The following ANGPT4 variants were observed in gnomAD, a reference collection of about 807,000 sequenced individuals.
The protein encoded by ANGPT4 is angiopoietin-4.
Under a neutral mutation model 53.0 loss-of-function variants are expected in ANGPT4, and 50 were observed. The ratio of observed to expected loss-of-function variants is 0.94; its 90% confidence interval spans 0.75 to 1.20. ANGPT4 has a LOEUF of 1.20. ANGPT4 is among the 50% of genes most tolerant of loss of function. The probability of loss-of-function intolerance (pLI) is 0.00; values close to 1 mark genes in which losing one functional copy is unlikely to be tolerated. For missense variants in ANGPT4, 648 were observed against 637.1 expected, an observed-to-expected ratio of 1.02 and a Z score of -0.18; for synonymous variants, 251 against 259.7, an observed-to-expected ratio of 0.97 and a Z score of 0.32.
At chr20:913,181 C>T (rs994303307) in intron 1 of ANGPT4, among the ~76,000 whole-genome samples, 1 of 152,140 alleles carries the variant, frequency 6.6e-6, no homozygotes, top group African/African-American at 2.4e-5. Flanking sequence ...TATTTTAAAA[C>T]TCTTTTTTTA....
intron 1 of ANGPT4, among the ~76,000 whole-genome samples, chr20:903,327 A>G (rs929865039): frequency 1.3e-5 from 2 of 152,082 alleles, no homozygotes; most frequent in African/African-American, 4.8e-5. Flanking sequence ...TGTCTCTCTC[A>G]CATCCTGCAT....
chr20:902,110 G>A (rs1031484845), intron 1 of ANGPT4, among the ~76,000 whole-genome samples: 1 of 152,142 alleles, frequency 6.6e-6, no homozygotes, highest in Non-Finnish European at 1.5e-5. Context: ...ACTATTAACA[G>A]TAGCGATTTG....
intron 7 of ANGPT4, among the ~76,000 whole-genome samples, 178 bp from the exon 8 acceptor site, chr20:874,592 C>A (rs1172756301): frequency 6.6e-6 from 1 of 152,204 alleles, no homozygotes; most frequent in Admixed American, 6.5e-5. Context: ...GGATTGCCTT[C>A]CCTGCCTGCT....
intron 1 of ANGPT4, among the ~76,000 whole-genome samples, chr20:913,693 G>T (rs1982800683): frequency 6.6e-6 from 1 of 152,230 alleles, no homozygotes; most frequent in African/African-American, 2.4e-5. Context: ...GAGACTTGGG[G>T]TAGGAGGCCC....
intron 1 of ANGPT4, among the ~76,000 whole-genome samples, chr20:897,643 C>A (rs1490699265): frequency 6.6e-6 from 1 of 152,168 alleles, no homozygotes; most frequent in East Asian, 1.9e-4. Flanking sequence ...CACCCACATT[C>A]CCTTGGTGGC....
In ANGPT4 at chr20:871,911, T is replaced by C. The variant is rs7262872; in HGVS notation, c.*1049A>G. 0.13 allele frequency: 19,092 copies of C among 152,190 alleles called. 1,611 individuals carry two copies. The highest frequency in any genetic ancestry group is 0.24 in the African/African-American group (10,000 of 41,452). 9.4% of individuals were successfully genotyped at this position (152,190 alleles called of 1,614,324 possible). Reference sequence around the variant, plus strand: ...GTTGTTTTTAGAGGTTGTTTGAGGCTGTCACTGTGGCCCTTGTAGCCAAAA... The same window carrying C: ...GTTGTTTTTAGAGGTTGTTTGAGGCCGTCACTGTGGCCCTTGTAGCCAAAA... On this transcript the variant is annotated 3_prime_UTR_variant, in exon 9 of 9. Transcript: ENST00000381922.
Position 916,259 on chromosome 20 carries a change from G to A in ANGPT4, c.-45C>T. The A allele has an allele frequency of 6.4e-7, 1 of 1,572,784 alleles. No individual in the cohort carries two copies. Among genetic ancestry groups the A allele is most frequent in the Non-Finnish European group, 8.7e-7 (1 of 1,155,288 alleles). ...GAGGGATGTCTGCTCAGAGCCCTAG[G>A]GGCTGTGCCTGGGATGTCCTGCTGC... On this transcript the variant is annotated 5_prime_UTR_variant, in exon 1 of 9. Coordinates refer to ENST00000381922, the MANE Select transcript of ANGPT4 (RefSeq NM_015985.4).
rs113100998 is a variant in ANGPT4 at position 894,902 on chromosome 20, G to GCA, written c.310-4536_310-4535dup. ...CCCTCAAGTGACTGGAGCTCCCCAA[G>GCA]CACCTCACTGGTCCCCCACTTGTCC... On this transcript the variant is annotated intron_variant, in intron 1 of 8. Transcript: ENST00000381922. 2.1e-3 allele frequency among the ~76,000 whole-genome samples: 327 copies of GCA among 152,280 alleles called. 5 individuals are homozygous for GCA. The highest frequency in any genetic ancestry group is 7.4e-3 in the African/African-American group (308 of 41,552).
chr20:894,824 T>C (rs1981981955), intron 1 of ANGPT4, among the ~76,000 whole-genome samples: 1 of 152,150 alleles, frequency 6.6e-6, no homozygotes, highest in South Asian at 2.1e-4. Context: ...GCTCTAAGAC[T>C]CCTTGCCTGA....
chr20:872,831 G>T lies in ANGPT4; in HGVS notation c.*129C>A. The T allele has an allele frequency of 8.2e-7, 1 of 1,216,104 alleles. No individual in the cohort carries two copies. The highest frequency in any genetic ancestry group is 1.2e-6 in the Non-Finnish European group (1 of 860,612). 75.3% of individuals were successfully genotyped at this position (1,216,104 alleles called of 1,614,324 possible). A position where few individuals can be genotyped will look rare whatever the true frequency, so the allele number is the denominator to read the frequency against. ...CCCTTCTGGACTTCTGGGTCAAGGA[G>T]GGCTGGCTCAGGAAGCCCAGGGTGT... On this transcript the variant is annotated 3_prime_UTR_variant, in exon 9 of 9. Transcript: ENST00000381922.
At chr20:894,439 G>C (rs1327570912) in intron 1 of ANGPT4, among the ~76,000 whole-genome samples, 2 of 152,078 alleles carry the variant, frequency 1.3e-5, no homozygotes, top group African/African-American at 4.8e-5. Context: ...CTCGGGAGGG[G>C]TGCCTTCGAT....
Position 870,804 on chromosome 20 carries a change from C to A in ANGPT4, c.*2156G>T, listed in dbSNP as rs147817411. On this transcript the variant is annotated 3_prime_UTR_variant, in exon 9 of 9. Coordinates refer to ENST00000381922, the MANE Select transcript of ANGPT4 (RefSeq NM_015985.4). ...GGCGGCATGTGCTGGGGAATGCCTT[C>A]CTCACCCCATTCTCCTCTTTGAGGA... 6.6e-6 allele frequency: 1 copy of A among 152,358 alleles called. No individual in the cohort carries two copies. The highest frequency in any genetic ancestry group is 2.4e-5 in the African/African-American group (1 of 41,584). The allele number at this position is 152,358 out of a possible 1,614,324, so 9.4% of individuals were successfully genotyped here. A position where few individuals can be genotyped will look rare whatever the true frequency, so the allele number is the denominator to read the frequency against.
intron 6 of ANGPT4, 94 bp from the exon 7 acceptor site, chr20:878,421 T>TA: frequency 7.9e-7 from 1 of 1,271,720 alleles, no homozygotes; most frequent in Non-Finnish European, 1.1e-6. Flanking sequence ...CAGGGCTACT[T>TA]ATACAAAACC....
At position 915,963 on chromosome 20, in the gene ANGPT4, GGTGGGCAACTTCCCCAGGTGCA is replaced by G; in HGVS notation, c.230_251del (p.Leu77ProfsTer4). ...CCTGCTCCAGCTGTTTCACCTGCTG[GGTGGGCAACTTCCCCAGGTGCA>G]GTGGGTTGGCCAGTGATTCTCTCTG... On this transcript the variant is annotated frameshift_variant, in exon 1 of 9. Transcript: ENST00000381922. LOFTEE classifies it high-confidence loss of function. 2.5e-6 allele frequency: 4 copies of G among 1,609,538 alleles called. No individual in the cohort carries two copies. In the South Asian group the frequency reaches 4.4e-5, roughly 18 times the overall value.
At chr20:900,366 C>A (rs1043851503) in intron 1 of ANGPT4, among the ~76,000 whole-genome samples, 2 of 152,194 alleles carry the variant, frequency 1.3e-5, no homozygotes, top group African/African-American at 4.8e-5. Context: ...GGCTGCCACC[C>A]TAGCTGGATC....
At position 910,055 on chromosome 20, in the gene ANGPT4, T is replaced by A. The variant is rs74528287; in HGVS notation, c.309+5851A>T. On this transcript the variant is annotated intron_variant, in intron 1 of 8. Coordinates refer to ENST00000381922, the MANE Select transcript of ANGPT4 (RefSeq NM_015985.4). ...GTCCCAGCTAATGCCCAGGGACCCA[T>A]CCACCATGGACATGGCTTATTTATT... Among the ~76,000 whole-genome samples the A allele has an allele frequency of 3.9e-3, 599 of 152,266 alleles. 26 individuals are homozygous for A. In the East Asian group the frequency reaches 0.1, roughly 26 times the overall value.
chr20:912,094 G>A (rs1024638164), intron 1 of ANGPT4, among the ~76,000 whole-genome samples: 1 of 152,146 alleles, frequency 6.6e-6, no homozygotes, highest in Admixed American at 6.5e-5. Flanking sequence ...GCTGGGGCTT[G>A]TGTCTGGCCC....
intron 8 of ANGPT4, 46 bp downstream of exon 8, chr20:874,238 G>A (rs772603773): frequency 6.2e-7 from 1 of 1,609,200 alleles, no homozygotes; most frequent in Non-Finnish European, 8.5e-7. Flanking sequence ...GTGTCAATCT[G>A]GGTGAGCCTG....
At chr20:902,133 G>C (rs530000196) in intron 1 of ANGPT4, among the ~76,000 whole-genome samples, 1 of 152,018 alleles carries the variant, frequency 6.6e-6, no homozygotes, top group Non-Finnish European at 1.5e-5. Context: ...TCAGGGGAGG[G>C]GGTTTCAATA....
Sources: gnomAD v4.1 joint callset for allele counts (sites outside exome capture counted in the v4.1 genomes callset) on GRCh38, gnomAD v4.1.1 for gene constraint, MANE v1.5 for transcripts, NCBI Gene and HGNC (gene_info 2026-07-23, HGNC 2026-07-21) for gene names.